Variants in ATP8B2 observed in about 807,000 individuals in gnomAD.
The protein encoded by ATP8B2 is phospholipid-transporting ATPase ID.
A neutral mutation model predicts 133.4 loss-of-function variants in ATP8B2; 70 were observed. That is an observed-to-expected ratio of 0.52 (90% CI 0.43 to 0.64). ATP8B2 has a LOEUF of 0.64. Among genes scored for constraint, ATP8B2 ranks in the 30% least tolerant of loss-of-function variants. The probability of loss-of-function intolerance (pLI) is 0.00; values close to 1 mark genes in which losing one functional copy is unlikely to be tolerated. For synonymous variants in ATP8B2, 517 were observed against 589.5 expected, an observed-to-expected ratio of 0.88 and a Z score of 1.78; for missense variants, 1,101 against 1,535.7, an observed-to-expected ratio of 0.72 and a Z score of 4.73.
At position 154,345,220 on chromosome 1, in the gene ATP8B2, T is replaced by C; in HGVS notation, c.2470+66T>C. 6.2e-7 allele frequency: 1 copy of C among 1,601,362 alleles called. No homozygotes were observed. The highest frequency in any genetic ancestry group is 8.5e-7 in the Non-Finnish European group (1 of 1,171,860). ...CTGGGGAGGGGCCCACTGAGGTCTCTGGACTGCAGAAGAATGACGGGAAGG... is the reference window on the plus strand; with the variant it reads ...CTGGGGAGGGGCCCACTGAGGTCTCCGGACTGCAGAAGAATGACGGGAAGG... On this transcript the variant is annotated intron_variant, in intron 22 of 27. Transcript: ENST00000368489. The surrounding 1 kb of genome is among the most constrained non-coding windows in gnomAD (Gnocchi z 5.6).
chr1:154,330,978 C>T, intron 4 of ATP8B2, 50 bp downstream of exon 4: 1 of 1,600,160 alleles, frequency 6.2e-7, no homozygotes. Context: ...TGAATAAAGC[C>T]AAGGAAGAGG....
Position 154,348,908 on chromosome 1 carries a change from C to A in ATP8B2, c.3363C>A (p.Arg1121=), listed in dbSNP as rs776128643. 1 of 1,613,598 alleles carries A rather than the reference C, an allele frequency of 6.2e-7. No homozygotes were observed. The highest frequency in any genetic ancestry group is 8.5e-7 in the Non-Finnish European group (1 of 1,179,768). The part of the protein sequence containing the change: ...AQHRCMRRVG[R]TGSRRSGYAF... Reference sequence around the variant, plus strand: ...ACCGCTGCATGCGGCGGGTTGGCCGCACTGGCTCCCGGCGCTCCGGCTATG... The same window carrying A: ...ACCGCTGCATGCGGCGGGTTGGCCGAACTGGCTCCCGGCGCTCCGGCTATG... The change falls in exon 28 of 28, where the codon CGC becomes CGA. Residue 1121 remains arginine (R), a synonymous_variant. Coordinates refer to ENST00000368489, the MANE Select transcript of ATP8B2 (RefSeq NM_001370597.1).
chr1:154,330,626 TGTCA>T, intron 3 of ATP8B2, 172 bp downstream of exon 3: 1 of 770,814 alleles, frequency 1.3e-6, no homozygotes, highest in Non-Finnish European at 2.1e-6. Context: ...TGCCTTCACC[TGTCA>T]GTGAAGCAGA....
In ATP8B2 at chr1:154,345,205, GC is replaced by G; in HGVS notation, c.2470+54del. On this transcript the variant is annotated intron_variant, in intron 22 of 27. Transcript: ENST00000368489. The surrounding 1 kb of genome is among the most constrained non-coding windows in gnomAD (Gnocchi z 5.6). The stretch of plus-strand genomic sequence containing the variant: ...AGGCTGGGCTTGAGGCTGGGGAGGG[GC>G]CCACTGAGGTCTCTGGACTGCAGAA... The G allele has an allele frequency of 6.2e-7, 1 of 1,600,566 alleles. No individual in the cohort carries two copies. The highest frequency in any genetic ancestry group is 8.5e-7 in the Non-Finnish European group (1 of 1,171,210).
Position 154,350,107 on chromosome 1 carries a change from C to T in ATP8B2, c.*989C>T, listed in dbSNP as rs1218742187. 1 of 150,618 alleles carries T rather than the reference C, an allele frequency of 6.6e-6. No homozygotes were observed. The highest frequency in any genetic ancestry group is 6.7e-5 in the Admixed American group (1 of 15,024). 9.3% of individuals were successfully genotyped at this position (150,618 alleles called of 1,614,324 possible). On this transcript the variant is annotated 3_prime_UTR_variant, in exon 28 of 28. Transcript: ENST00000368489. ...TTTTTTTTTGAGATGGAGTCTCACTCTTGTCACCTAGGCAAGAGTGCAATG... is the reference window on the plus strand; with the variant it reads ...TTTTTTTTTGAGATGGAGTCTCACTTTTGTCACCTAGGCAAGAGTGCAATG...
chr1:154,333,336 G>GAA (rs151330490), intron 9 of ATP8B2, among the ~76,000 whole-genome samples: 2 of 146,280 alleles, frequency 1.4e-5, no homozygotes, highest in African/African-American at 2.5e-5. Context: ...GTCTCAAAAA[G>GAA]AAAAAAAAAA....
intron 1 of ATP8B2, among the ~76,000 whole-genome samples, chr1:154,327,059 C>T (rs572180104): frequency 2.6e-5 from 4 of 152,280 alleles, no homozygotes; most frequent in South Asian, 2.1e-4. Context: ...TCTGAGCTAG[C>T]GAAGGGAGAA....
Position 154,343,111 on chromosome 1 carries a change from A to T in ATP8B2, c.1454-2A>T. 2 of 1,612,608 alleles carry T rather than the reference A, an allele frequency of 1.2e-6. No homozygotes were observed. The highest frequency in any genetic ancestry group is 1.7e-6 in the Non-Finnish European group (2 of 1,179,248). On this transcript the variant is annotated splice_acceptor_variant, in intron 15 of 27. Transcript: ENST00000368489. LOFTEE classifies it high-confidence loss of function. The surrounding 1 kb of genome is among the most constrained non-coding windows in gnomAD (Gnocchi z 5.8). ...TCACGTGTATTCTTCCTCCCCACCC[A>T]GGAGAGCTGTACTACAAAGCTCAGT...
chr1:154,346,089 G>A lies in ATP8B2; in HGVS notation c.2779-142G>A. 1 of 1,278,174 alleles carries A rather than the reference G, an allele frequency of 7.8e-7. No homozygotes were observed. The allele number at this position is 1,278,174 out of a possible 1,614,324, so 79.2% of individuals were successfully genotyped here. A position where few individuals can be genotyped will look rare whatever the true frequency, so the allele number is the denominator to read the frequency against. ...GGTTGCTGAACTAAGTTAGTCTGGG[G>A]GTAGCTGGCTTGAGGTTGGTTCTAG... On this transcript the variant is annotated intron_variant, in intron 24 of 27. Transcript: ENST00000368489. This position sits in a 1 kb window ranked among gnomAD's most constrained non-coding sequence, Gnocchi z 4.5.
chr1:154,332,592 G>T, intron 8 of ATP8B2, 26 bp from the exon 9 acceptor site: 1 of 1,545,466 alleles, frequency 6.5e-7, no homozygotes, highest in East Asian at 2.4e-5. Flanking sequence ...GGAGGGAGCG[G>T]GGACTCAGAG....
intron 12 of ATP8B2, chr1:154,337,875 T>A: frequency 1.2e-6 from 1 of 830,384 alleles, no homozygotes; most frequent in Non-Finnish European, 1.7e-6. Flanking sequence ...GGAGCTTACG[T>A]CTAGTAAAGG....
rs114827397 is a variant in ATP8B2, at chr1:154,349,075, C to T, written c.3530C>T (p.Ala1177Val). The change falls in exon 28 of 28, where the codon GCC becomes GTC. Residue 1177 changes from alanine to valine, a missense_variant. By Grantham distance (64) the Ala-to-Val change is moderately conservative. Transcript: ENST00000368489. ...CTGCGCAGGAAGAAGAGTGACAGTG[C>T]CAGTAGCCCCAGTGGCGGTGCCGAC... ...ESLRRKKSDS[A>V]SSPSGGADKP... The T allele has an allele frequency of 3.1e-4, 507 of 1,614,238 alleles. 2 individuals are homozygous for T. The African/African-American group carries it at 6.3e-3, about 20-fold the overall frequency.
chr1:154,326,090 G>A (rs1163227873), intron 1 of ATP8B2, among the ~76,000 whole-genome samples: 1 of 152,146 alleles, frequency 6.6e-6, no homozygotes, highest in Non-Finnish European at 1.5e-5. Context: ...CCTGGAGAAG[G>A]GAGTTTGGGC....
intron 12 of ATP8B2, among the ~76,000 whole-genome samples, chr1:154,338,361 C>T (rs1686261457): frequency 6.6e-6 from 1 of 151,880 alleles, no homozygotes; most frequent in Non-Finnish European, 1.5e-5. Context: ...ATTTACTAAC[C>T]ATTAAAAGTT....
intron 12 of ATP8B2, among the ~76,000 whole-genome samples, chr1:154,339,990 T>A (rs1686321664): frequency 6.6e-6 from 1 of 152,056 alleles, no homozygotes; most frequent in Non-Finnish European, 1.5e-5. Flanking sequence ...AAGACCAGTG[T>A]GGGCAACACA....
chr1:154,336,041 CAAAA>C (rs34783907), intron 11 of ATP8B2, among the ~76,000 whole-genome samples: 4 of 96,584 alleles, frequency 4.1e-5, no homozygotes, highest in African/African-American at 1.1e-4. Flanking sequence ...GGCTCCATCT[CAAAA>C]AAAAAAAAAA....
At chr1:154,348,238 G>C (rs933207716) in intron 26 of ATP8B2, among the ~76,000 whole-genome samples, 170 bp from the exon 27 acceptor site, 4 of 152,174 alleles carry the variant, frequency 2.6e-5, no homozygotes, top group Non-Finnish European at 5.9e-5. Context: ...TGGAGCTTTG[G>C]GGGAGTTTGG....
chr1:154,345,710 G>C lies in ATP8B2; in HGVS notation c.2695-90G>C. On this transcript the variant is annotated intron_variant, in intron 23 of 27. Transcript: ENST00000368489. This position sits in a 1 kb window ranked among gnomAD's most constrained non-coding sequence, Gnocchi z 5.6. The stretch of plus-strand genomic sequence containing the variant: ...GAAGGAGCCTCAGAAAATTTCTTAG[G>C]GTTCTCTGTATGTGACATCAGCTGT... 7.2e-7 allele frequency: 1 copy of C among 1,385,702 alleles called. No individual in the cohort carries two copies. The highest frequency in any genetic ancestry group is 1.0e-6 in the Non-Finnish European group (1 of 981,894). 85.8% of individuals were successfully genotyped at this position (1,385,702 alleles called of 1,614,324 possible). A position where few individuals can be genotyped will look rare whatever the true frequency, so the allele number is the denominator to read the frequency against.
intron 2 of ATP8B2, chr1:154,329,145 T>A: frequency 1.7e-6 from 2 of 1,194,264 alleles, no homozygotes; most frequent in Non-Finnish European, 2.1e-6. Flanking sequence ...TACATTCACT[T>A]GTCCCCAGCC....
Sources: gnomAD v4.1 joint callset for allele counts (sites outside exome capture counted in the v4.1 genomes callset) on GRCh38, gnomAD v4.1.1 for gene constraint, Gnocchi (gnomAD v3.1) non-coding constraint, MANE v1.5 for transcripts, NCBI Gene and HGNC (gene_info 2026-07-23, HGNC 2026-07-21) for gene names.